NHSL2: variants seen among roughly 807,000 people sequenced by gnomAD.
The protein encoded by NHSL2 is NHS-like protein 2.
NHSL2 carries 27 observed loss-of-function variants against 53.4 expected under a neutral mutation model. That is an observed-to-expected ratio of 0.51 (90% CI 0.37 to 0.70). The LOEUF (loss-of-function observed/expected upper bound fraction) is 0.70. Ranked by LOEUF, NHSL2 falls within the 30% of genes least tolerant of loss-of-function variation. The pLI is 0.00. For synonymous variants in NHSL2, 408 were observed against 404.1 expected (o/e 1.01, Z -0.12); for missense variants, 892 against 980.1 (o/e 0.91, Z 1.20).
In NHSL2 at chrX:71,964,029, A is replaced by ATATG. The variant is rs2041887243; in HGVS notation, c.280+52665_280+52666insGTAT. ...TATATATGTATATATATATATGTGT[A>ATATG]TATATATATATATGTATATATATAT... On this transcript the variant is annotated intron_variant, in intron 1 of 7. Transcript: ENST00000633930. Among the ~76,000 whole-genome samples, 63 of 32,057 alleles carry ATATG rather than the reference A, an allele frequency of 2.0e-3. 4 individuals are homozygous for ATATG. The highest frequency in any genetic ancestry group is 0.011 in the African/African-American group (61 of 5,541). 27.8% of individuals were successfully genotyped at this position (32,057 alleles called of 115,157 possible).
chrX:71,949,492 C>T (rs1027833959), intron 1 of NHSL2, among the ~76,000 whole-genome samples: 5 of 111,884 alleles, frequency 4.5e-5, no homozygotes, highest in African/African-American at 1.6e-4. Context: ...CACCTCTGAG[C>T]TTCCCTGTGG....
chrX:71,953,041 G>C (rs12388045), intron 1 of NHSL2, among the ~76,000 whole-genome samples: 6,742 of 111,333 alleles, frequency 0.061, 533 homozygotes, highest in African/African-American at 0.21. Context: ...ATCGTGGCTG[G>C]TCCCTTGCCT....
In NHSL2 at chrX:72,130,175, G is replaced by C. The variant is rs762226176; in HGVS notation, c.281-1904G>C. 3.3e-6 allele frequency: 4 copies of C among 1,210,897 alleles called. No individual in the cohort carries two copies. In the Admixed American group the frequency reaches 8.7e-5, roughly 26 times the overall value. On this transcript the variant is annotated intron_variant, in intron 1 of 7. Transcript: ENST00000633930. ...AGGTCATCATCTTGGGCCTCATCCA[G>C]TGGCTCCTCCTCCACCTCACCATAG...
chrX:71,957,446 T>G (rs2041847708), intron 1 of NHSL2, among the ~76,000 whole-genome samples: 1 of 112,142 alleles, frequency 8.9e-6, no homozygotes, highest in Non-Finnish European at 1.9e-5. Context: ...TTTTGTATTT[T>G]TAGTAGAGAT....
intron 1 of NHSL2, among the ~76,000 whole-genome samples, chrX:72,010,238 T>G (rs1417551286): frequency 8.9e-6 from 1 of 111,927 alleles, no homozygotes; most frequent in African/African-American, 3.2e-5. Context: ...TATTTCCAAA[T>G]TAGGAGGCTC....
rs149841448 is a variant in NHSL2, at chrX:72,140,485, G to A, written c.2937G>A (p.Arg979=). The A allele has an allele frequency of 2.5e-5, 30 of 1,208,049 alleles. No individual in the cohort carries two copies. In the African/African-American group the frequency reaches 5.1e-4, roughly 21 times the overall value. ...GSVEDEGPKV[R]VLPERISLQS... ...TAGAGGACGAGGGCCCCAAGGTGAG[G>A]GTTCTGCCTGAAAGAATTAGCCTCC... Residue 979 remains arginine, a synonymous_variant, in exon 6 of 8, where the codon AGG becomes AGA. Coordinates refer to ENST00000633930, the MANE Select transcript of NHSL2 (RefSeq NM_001013627.3).
chrX:71,930,666 C>G (rs770243590), intron 1 of NHSL2, among the ~76,000 whole-genome samples: 2 of 112,310 alleles, frequency 1.8e-5, no homozygotes, highest in South Asian at 7.4e-4. Flanking sequence ...TGTCTGGCTT[C>G]TTTCACTTAG....
intron 1 of NHSL2, among the ~76,000 whole-genome samples, chrX:71,933,384 C>CT (rs199702755): frequency 6.0e-3 from 600 of 100,418 alleles, no homozygotes; most frequent in African/African-American, 8.3e-3. Context: ...GTGCACTTAA[C>CT]TTTTTTTTTT....
intron 7 of NHSL2, among the ~76,000 whole-genome samples, chrX:72,142,832 G>C (rs2042429337): frequency 8.9e-6 from 1 of 112,048 alleles, no homozygotes; most frequent in Admixed American, 9.5e-5. Context: ...GGAACCAGAT[G>C]GGGACCAGTT....
At chrX:72,065,469 G>GCAGACT (rs1479782523) in intron 1 of NHSL2, among the ~76,000 whole-genome samples, 3 of 111,942 alleles carry the variant, frequency 2.7e-5, no homozygotes, top group Non-Finnish European at 5.6e-5. Flanking sequence ...AATTATCCCT[G>GCAGACT]CAGACTGCTA....
intron 1 of NHSL2, among the ~76,000 whole-genome samples, chrX:71,945,503 C>T (rs962450877): frequency 1.7e-4 from 19 of 111,789 alleles, no homozygotes; most frequent in Admixed American, 6.6e-4. Context: ...CAACCCCTGC[C>T]GTTCATCATC....
At chrX:72,059,835 C>G (rs188144079) in intron 1 of NHSL2, among the ~76,000 whole-genome samples, 1 of 112,140 alleles carries the variant, frequency 8.9e-6, no homozygotes, top group Non-Finnish European at 1.9e-5. Context: ...AGACCTTGCT[C>G]TATGCACTTT....
chrX:72,044,096 G>C (rs749512771), intron 1 of NHSL2, among the ~76,000 whole-genome samples: 1 of 112,008 alleles, frequency 8.9e-6, no homozygotes, highest in Non-Finnish European at 1.9e-5. Context: ...GGTCACGGGA[G>C]AGAAGAGGAT....
chrX:71,980,682 G>A (rs1006241748), intron 1 of NHSL2, among the ~76,000 whole-genome samples: 2 of 110,511 alleles, frequency 1.8e-5, no homozygotes, highest in African/African-American at 6.6e-5. Context: ...GCAATCCAGT[G>A]CAGCACTGTG....
chrX:71,943,359 C>T (rs1340142454), intron 1 of NHSL2, among the ~76,000 whole-genome samples: 1 of 112,724 alleles, frequency 8.9e-6, no homozygotes, highest in Admixed American at 9.3e-5. Flanking sequence ...GCACAACTTT[C>T]ACCATGAATT....
In NHSL2 at chrX:71,911,337, C is replaced by G. The variant is rs1353535037; in HGVS notation, c.250C>G (p.Leu84Val). The G allele has an allele frequency of 9.0e-7, 1 of 1,108,765 alleles. No individual in the cohort carries two copies. Among genetic ancestry groups the G allele is most frequent in the Non-Finnish European group, 1.2e-6 (1 of 846,749 alleles). The allele number at this position is 1,108,765 out of a possible 1,213,427, so 91.4% of individuals were successfully genotyped here. The change falls in exon 1 of 8, where the codon CTT (leucine) becomes GTT (valine). Residue 84 changes from leucine to valine, a missense_variant. Physicochemically the swap from Leu to Val is conservative, Grantham distance 32 (BLOSUM62 1). Transcript: ENST00000633930. Reference sequence around the variant, plus strand: ...CCGCCGCCGCCTTCCCTGCCGCCTGCTTGGCCCGGAGGAGGACGAGGAAGA... The same window carrying G: ...CCGCCGCCGCCTTCCCTGCCGCCTGGTTGGCCCGGAGGAGGACGAGGAAGA... ...RLRRRLPCRL[L>V]GPEEDEEELA...
intron 1 of NHSL2, among the ~76,000 whole-genome samples, chrX:72,112,912 AC>A (rs1249523186): frequency 5.4e-5 from 6 of 110,450 alleles, no homozygotes; most frequent in African/African-American, 2.0e-4. Flanking sequence ...CTGGTCTCAA[AC>A]TCCTGACCTC....
In NHSL2 at chrX:72,140,050, G is replaced by T. The variant is rs1301477201; in HGVS notation, c.2502G>T (p.Arg834Ser). The change falls in exon 6 of 8, where the codon AGG becomes AGT. Residue 834 changes from arginine to serine, a missense_variant. By Grantham distance (110) the Arg-to-Ser change is moderately radical (BLOSUM62 -1). Transcript: ENST00000633930. ...CCGACCTACGTTCTGTTCGCCTGAG[G>T]TCGGTCAGCAAGTCTGAGCCGGAAG... ...TQSDLRSVRL[R>S]SVSKSEPEDD... is the part of the protein sequence containing the mutation. The T allele has an allele frequency of 8.3e-7, 1 of 1,207,945 alleles. No individual in the cohort carries two copies. The highest frequency in any genetic ancestry group is 3.0e-5 in the East Asian group (1 of 33,748).
At chrX:71,964,041 ATGTATATATATATATGTG>A (rs2041888416) in intron 1 of NHSL2, among the ~76,000 whole-genome samples, 1 of 9,816 alleles carries the variant, frequency 1.0e-4, no homozygotes, top group African/African-American at 2.0e-4. Flanking sequence ...ATATATATAT[ATGTATATATATATATGTG>A]TATATATATA....
Sources: gnomAD v4.1 joint callset for allele counts (sites outside exome capture counted in the v4.1 genomes callset) on GRCh38, gnomAD v4.1.1 for gene constraint, MANE v1.5 for transcripts, NCBI Gene and HGNC (gene_info 2026-07-23, HGNC 2026-07-21) for gene names.